Variants in HDGFL3 observed in about 807,000 individuals in gnomAD.
HDGFL3 encodes the protein hepatoma-derived growth factor-related protein 3.
Under a neutral mutation model 27.6 loss-of-function variants are expected in HDGFL3, and 6 were observed. The ratio of observed to expected loss-of-function variants is 0.22; its 90% confidence interval spans 0.12 to 0.43. The LOEUF is 0.43. Ranked by LOEUF, HDGFL3 falls within the 20% of genes least tolerant of loss-of-function variation. The pLI is 1.00. For synonymous variants in HDGFL3, 88 were observed against 88.9 expected (o/e 0.99, Z 0.05); for missense variants, 207 against 250.1 (o/e 0.83, Z 1.16).
Position 83,136,596 on chromosome 15 carries a change from C to G in HDGFL3, c.*2674G>C. ...TTAAACATAGCATATGGAGTTCTTC[C>G]TCAGCTCTTGGCCTATCGTTGTATC... On this transcript the variant is annotated 3_prime_UTR_variant, in exon 6 of 6. Coordinates refer to ENST00000299633, the MANE Select transcript of HDGFL3 (RefSeq NM_016073.4). 1 of 1,613,700 alleles carries G rather than the reference C, an allele frequency of 6.2e-7. No homozygotes were observed. Among genetic ancestry groups the G allele is most frequent in the Non-Finnish European group, 8.5e-7 (1 of 1,179,822 alleles).
chr15:83,118,766 A>G (rs2034937024), intron 3 of HDGFL3, among the ~76,000 whole-genome samples: 1 of 152,194 alleles, frequency 6.6e-6, no homozygotes, highest in Admixed American at 6.5e-5. Flanking sequence ...GGAAAGGAAA[A>G]CAAGGTGGGG....
At chr15:83,175,086 A>T (rs1447327744) in intron 1 of HDGFL3, among the ~76,000 whole-genome samples, 1 of 152,242 alleles carries the variant, frequency 6.6e-6, no homozygotes, top group Admixed American at 6.5e-5. Flanking sequence ...TTAGCTGAAG[A>T]TGGTCAACCA....
intron 1 of HDGFL3, among the ~76,000 whole-genome samples, chr15:83,195,840 CAAAACAGAAAAGTTTTGAGT>C (rs1193545732): frequency 1.3e-5 from 2 of 151,726 alleles, no homozygotes; most frequent in Non-Finnish European, 2.9e-5. Flanking sequence ...TATCTTAAAA[CAAAACAGAAAAGTTTTGAGT>C]AAAATTCTGG....
chr15:83,202,905 CTGCTGA>C (rs1271332941), intron 1 of HDGFL3, among the ~76,000 whole-genome samples: 1 of 152,080 alleles, frequency 6.6e-6, no homozygotes, highest in Non-Finnish European at 1.5e-5. Context: ...ACTCATTCTC[CTGCTGA>C]TGGACATTTG....
Position 83,136,542 on chromosome 15 carries a change from C to T in HDGFL3, c.*2728G>A. Reference sequence around the variant, plus strand: ...AGAACTGCTTATGTCTACAGAGTCCCTGAAGAAGCAAAAATCCTTTTTTTA... The same window carrying T: ...AGAACTGCTTATGTCTACAGAGTCCTTGAAGAAGCAAAAATCCTTTTTTTA... On this transcript the variant is annotated 3_prime_UTR_variant, in exon 6 of 6. Transcript: ENST00000299633. The T allele has an allele frequency of 6.2e-7, 1 of 1,613,702 alleles. No individual in the cohort carries two copies. The highest frequency in any genetic ancestry group is 8.5e-7 in the Non-Finnish European group (1 of 1,179,866).
chr15:83,159,452 T>C (rs990038005), intron 2 of HDGFL3, among the ~76,000 whole-genome samples: 2 of 152,126 alleles, frequency 1.3e-5, no homozygotes, highest in African/African-American at 4.8e-5. Context: ...CCAGAGGAGC[T>C]ACAGGGAACA....
chr15:83,185,470 A>ACT (rs1485474189), intron 1 of HDGFL3, among the ~76,000 whole-genome samples: 4 of 152,264 alleles, frequency 2.6e-5, no homozygotes, highest in Admixed American at 1.3e-4. Context: ...ATTGGCTTGC[A>ACT]CTCTCAGAGT....
chr15:83,150,484 G>A (rs2036950128), intron 5 of HDGFL3, among the ~76,000 whole-genome samples: 2 of 152,200 alleles, frequency 1.3e-5, no homozygotes, highest in South Asian at 2.1e-4. Context: ...TAACTGGGAT[G>A]AAGGAAGAAA....
intron 5 of HDGFL3, among the ~76,000 whole-genome samples, chr15:83,147,677 G>C (rs990354388): frequency 6.6e-6 from 1 of 152,036 alleles, no homozygotes; most frequent in African/African-American, 2.4e-5. Flanking sequence ...CTGCGGATCA[G>C]AGAAAAAAGG....
chr15:83,199,144 T>C (rs1207175687), intron 1 of HDGFL3, among the ~76,000 whole-genome samples: 2 of 152,224 alleles, frequency 1.3e-5, no homozygotes, highest in Non-Finnish European at 2.9e-5. Context: ...AGAGAAGTTA[T>C]AACTTGTTTT....
At chr15:83,192,010 C>T (rs952959562) in intron 1 of HDGFL3, among the ~76,000 whole-genome samples, 2 of 150,030 alleles carry the variant, frequency 1.3e-5, no homozygotes, top group East Asian at 3.9e-4. Flanking sequence ...AGTGCAATCC[C>T]AGCTCACTGC....
In HDGFL3 at chr15:83,169,149, G is replaced by A. The variant is rs2037210302; in HGVS notation, c.85-5074C>T. The A allele has an allele frequency of 4.7e-6, 2 of 426,596 alleles. 1 individual carries two copies. Among genetic ancestry groups the A allele is most frequent in the South Asian group, 3.4e-5 (2 of 58,200 alleles). The allele number at this position is 426,596 out of a possible 1,614,324, so 26.4% of individuals were successfully genotyped here. The stretch of plus-strand genomic sequence containing the variant: ...AAGAGCCATATATGATAAACCCACA[G>A]CCAATATCATACCAAACAGGCAAAA... On this transcript the variant is annotated intron_variant, in intron 1 of 5. Transcript: ENST00000299633.
At chr15:83,123,392 T>C (rs1414556532), downstream of HDGFL3, among the ~76,000 whole-genome samples, 1 of 152,172 alleles carries the variant, frequency 6.6e-6, no homozygotes, top group Non-Finnish European at 1.5e-5. Context: ...ACAGCCAAGG[T>C]AGTCAAGGTG....
chr15:83,188,740 C>T (rs187658759), intron 1 of HDGFL3, among the ~76,000 whole-genome samples: 33 of 152,262 alleles, frequency 2.2e-4, no homozygotes, highest in Non-Finnish European at 3.7e-4. Context: ...CCTACCTACA[C>T]TTACTTACTC....
At position 83,133,024 on chromosome 15, in the gene HDGFL3, C is replaced by T. The variant is rs2036359472; in HGVS notation, c.*6246G>A. The stretch of plus-strand genomic sequence containing the variant: ...TTTGTACTTGTGTCTACAGAATAGC[C>T]CCAAGTGCTTGACACTGTCTAAGCA... On this transcript the variant is annotated 3_prime_UTR_variant, in exon 6 of 6. Transcript: ENST00000299633. 6.6e-6 allele frequency: 1 copy of T among 152,096 alleles called. No individual in the cohort carries two copies. Among genetic ancestry groups the T allele is most frequent in the Non-Finnish European group, 1.5e-5 (1 of 68,030 alleles). The allele number at this position is 152,096 out of a possible 1,614,324, so 9.4% of individuals were successfully genotyped here.
intron 4 of HDGFL3, among the ~76,000 whole-genome samples, chr15:83,154,624 CAAG>C (rs1240263743): frequency 2.0e-5 from 3 of 152,134 alleles, no homozygotes; most frequent in East Asian, 1.9e-4. Context: ...TTACTTTTTA[CAAG>C]AAGGGAAAAC....
rs2151392085 is a variant in HDGFL3 at position 83,138,385 on chromosome 15, G to A, written c.*885C>T. ...AATAAAATTCTCTATTATCACAATA[G>A]CAACAATAATGTACACATAATAATG... On this transcript the variant is annotated 3_prime_UTR_variant, in exon 6 of 6. Transcript: ENST00000299633. 1 of 152,396 alleles carries A rather than the reference G, an allele frequency of 6.6e-6. No individual in the cohort carries two copies. The highest frequency in any genetic ancestry group is 2.1e-4 in the South Asian group (1 of 4,826). 9.4% of individuals were successfully genotyped at this position (152,396 alleles called of 1,614,324 possible).
intron 1 of HDGFL3, among the ~76,000 whole-genome samples, chr15:83,201,679 G>A (rs951252964): frequency 5.3e-5 from 8 of 152,104 alleles, no homozygotes; most frequent in Non-Finnish European, 1.0e-4. Flanking sequence ...TGACTTCCGA[G>A]AATTAATATT....
chr15:83,198,054 C>CAAAAAAAAAAAAAAAAAAAAAAAAAAA (rs766372255), intron 1 of HDGFL3, among the ~76,000 whole-genome samples: 3 of 57,602 alleles, frequency 5.2e-5, no homozygotes, highest in Admixed American at 2.7e-4. Flanking sequence ...GACTCCGTCT[C>CAAAAAAAAAAAAAAAAAAAAAAAAAAA]AAAAAAAAAA....
Sources: allele counts gnomAD v4.1 joint callset (sites outside exome capture counted in the v4.1 genomes callset), GRCh38; gene constraint gnomAD v4.1.1; transcripts MANE v1.5; gene names NCBI Gene and HGNC (gene_info 2026-07-23, HGNC 2026-07-21).